DKK2: variants seen among roughly 807,000 people sequenced by gnomAD.
DKK2 encodes dickkopf Wnt signaling pathway inhibitor 2, also known as dickkopf-related protein 2.
DKK2 carries 11 observed loss-of-function variants against 28.1 expected under a neutral mutation model. The ratio of observed to expected loss-of-function variants is 0.39; its 90% CI spans 0.25 to 0.65. DKK2 has a LOEUF of 0.65. Ranked by LOEUF, DKK2 falls within the 30% of genes least tolerant of loss-of-function variation. The probability of loss-of-function intolerance (pLI) is 0.47; values close to 1 mark genes in which losing one functional copy is unlikely to be tolerated. For missense variants in DKK2, 326 were observed against 335.5 expected (o/e 0.97, Z 0.22); for synonymous variants, 135 against 126.5 (o/e 1.07, Z -0.45).
intron 1 of DKK2, among the ~76,000 whole-genome samples, chr4:106,971,501 C>T (rs1722867981): frequency 6.6e-6 from 1 of 152,020 alleles, no homozygotes; most frequent in Non-Finnish European, 1.5e-5. Context: ...GACATGTACA[C>T]AACTACCTAT....
chr4:106,986,403 T>C (rs910693884), intron 1 of DKK2, among the ~76,000 whole-genome samples: 3 of 152,164 alleles, frequency 2.0e-5, no homozygotes, highest in Non-Finnish European at 2.9e-5. Context: ...TCATTGTCTG[T>C]TGTGAAGTGA....
At chr4:106,975,589 C>T (rs1003391204) in intron 1 of DKK2, among the ~76,000 whole-genome samples, 1 of 152,040 alleles carries the variant, frequency 6.6e-6, no homozygotes, top group Non-Finnish European at 1.5e-5. Flanking sequence ...GGTGACATCC[C>T]CTTTATCATT....
intron 1 of DKK2, among the ~76,000 whole-genome samples, chr4:106,929,164 T>C (rs1339022618): frequency 1.3e-5 from 2 of 152,222 alleles, no homozygotes; most frequent in Non-Finnish European, 2.9e-5. Flanking sequence ...TAAGTTTCCC[T>C]TTAACGAAAT....
At chr4:106,945,895 T>C (rs1025916514) in intron 1 of DKK2, among the ~76,000 whole-genome samples, 1 of 152,100 alleles carries the variant, frequency 6.6e-6, no homozygotes, top group Non-Finnish European at 1.5e-5. Context: ...ACTCTACACA[T>C]AACCACAGCC....
At chr4:107,024,454 A>G (rs937299917) in intron 1 of DKK2, among the ~76,000 whole-genome samples, 12 of 152,164 alleles carry the variant, frequency 7.9e-5, no homozygotes, top group African/African-American at 2.2e-4. Flanking sequence ...CAAATAGACA[A>G]AAGGAAAAAA....
chr4:106,987,577 C>A (rs1723139294), intron 1 of DKK2, among the ~76,000 whole-genome samples: 1 of 152,132 alleles, frequency 6.6e-6, no homozygotes, highest in South Asian at 2.1e-4. Flanking sequence ...CCCAACTAGC[C>A]ACTCAGACTC....
At chr4:106,947,959 A>G (rs917680413) in intron 1 of DKK2, among the ~76,000 whole-genome samples, 24 of 151,978 alleles carry the variant, frequency 1.6e-4, no homozygotes, top group African/African-American at 5.8e-4. Flanking sequence ...CAAATTAACC[A>G]TTTTAAAGTA....
At position 106,963,486 on chromosome 4, in the gene DKK2, C is replaced by A. The variant is rs115910537; in HGVS notation, c.223-37537G>T. Among the ~76,000 whole-genome samples the A allele has an allele frequency of 8.2e-3, 1,242 of 152,250 alleles. 12 individuals are homozygous for A. The highest frequency in any genetic ancestry group is 0.028 in the African/African-American group (1,176 of 41,544). ...GCAAATCAAAACTATAATCAGATAT[C>A]ATCTCACCCCAATTAAAGTGGATTT... On this transcript the variant is annotated intron_variant, in intron 1 of 3. Coordinates refer to ENST00000285311, the MANE Select transcript of DKK2 (RefSeq NM_014421.3).
intron 1 of DKK2, among the ~76,000 whole-genome samples, chr4:106,927,293 C>T (rs1724438186): frequency 6.6e-6 from 1 of 152,094 alleles, no homozygotes; most frequent in African/African-American, 2.4e-5. Flanking sequence ...TCTCCTCCTG[C>T]CCATCTCCTG....
At chr4:106,971,689 T>C (rs1722870311) in intron 1 of DKK2, among the ~76,000 whole-genome samples, 1 of 152,096 alleles carries the variant, frequency 6.6e-6, no homozygotes, top group African/African-American at 2.4e-5. Context: ...TTCTTCTTGT[T>C]TGAAAGTAAT....
chr4:106,934,495 T>G lies in DKK2; in HGVS notation c.223-8546A>C, dbSNP rs533171574. 2.0e-5 allele frequency among the ~76,000 whole-genome samples: 3 copies of G among 152,224 alleles called. No homozygotes were observed. In the East Asian group the frequency reaches 5.8e-4, roughly 30 times the overall value. On this transcript the variant is annotated intron_variant, in intron 1 of 3. Transcript: ENST00000285311. ...CTTAATAGCAGAATTAGACTACCAA[T>G]GTAACATTCAAATACATACACAAAC...
At chr4:106,949,016 A>G (rs1011702067) in intron 1 of DKK2, among the ~76,000 whole-genome samples, 1 of 152,136 alleles carries the variant, frequency 6.6e-6, no homozygotes, top group African/African-American at 2.4e-5. Flanking sequence ...TTTAGCATCA[A>G]CCAAAAACCA....
chr4:106,953,053 T>A (rs1722511362), intron 1 of DKK2, among the ~76,000 whole-genome samples: 1 of 152,220 alleles, frequency 6.6e-6, no homozygotes, highest in South Asian at 2.1e-4. Flanking sequence ...GTTGTCTCTG[T>A]CTTTTGCAAG....
At chr4:106,969,428 A>C (rs1420204564) in intron 1 of DKK2, among the ~76,000 whole-genome samples, 1 of 151,926 alleles carries the variant, frequency 6.6e-6, no homozygotes, top group Non-Finnish European at 1.5e-5. Context: ...CCAGTCCTCT[A>C]TTCAGAAAAG....
intron 1 of DKK2, among the ~76,000 whole-genome samples, chr4:106,993,226 A>G (rs938621800): frequency 6.6e-6 from 1 of 152,220 alleles, no homozygotes; most frequent in Non-Finnish European, 1.5e-5. Context: ...ATACTGAAAG[A>G]AGCTATGCCT....
chr4:106,995,732 C>A (rs1723262992), intron 1 of DKK2, among the ~76,000 whole-genome samples: 3 of 152,148 alleles, frequency 2.0e-5, no homozygotes, highest in African/African-American at 7.2e-5. Flanking sequence ...CCTGCCTCAG[C>A]CTCCCAAGTA....
rs372893033 is a variant in DKK2 at position 106,955,565 on chromosome 4, CCA to C, written c.223-29618_223-29617del. Among the ~76,000 whole-genome samples the C allele has an allele frequency of 2.0e-3, 301 of 152,192 alleles. 2 individuals carry two copies. The highest frequency in any genetic ancestry group is 6.9e-3 in the African/African-American group (288 of 41,524). On this transcript the variant is annotated intron_variant, in intron 1 of 3. Transcript: ENST00000285311. ...CTCCCTTTTCACACCCATGAATTCA[CCA>C]CAGTCTCCCTTTTCACACCTAACAA...
intron 1 of DKK2, among the ~76,000 whole-genome samples, chr4:106,997,244 T>C (rs1048282076): frequency 4.6e-5 from 7 of 152,204 alleles, no homozygotes; most frequent in African/African-American, 1.4e-4. Context: ...TTCTATACTT[T>C]TAACATCTAA....
At chr4:106,967,306 A>G (rs1722796972) in intron 1 of DKK2, among the ~76,000 whole-genome samples, 1 of 152,138 alleles carries the variant, frequency 6.6e-6, no homozygotes, top group Non-Finnish European at 1.5e-5. Flanking sequence ...TAGTGGAAGA[A>G]CCTGGTCTAG....
Sources: allele counts gnomAD v4.1 joint callset (sites outside exome capture counted in the v4.1 genomes callset), GRCh38; gene constraint gnomAD v4.1.1; transcripts MANE v1.5; gene names NCBI Gene and HGNC (gene_info 2026-07-23, HGNC 2026-07-21).